Variants in NAALAD2 observed in about 807,000 individuals in gnomAD.
NAALAD2 encodes N-acetylated alpha-linked acidic dipeptidase 2.
NAALAD2 carries 89 observed loss-of-function variants against 95.6 expected under a neutral mutation model. The observed-to-expected ratio is 0.93, with a 90% CI of 0.78 to 1.11. The LOEUF is 1.11. Ranked by LOEUF, NAALAD2 falls within the 50% of genes least tolerant of loss-of-function variation. NAALAD2 has a pLI of 0.00. For missense variants in NAALAD2, 894 were observed against 872.4 expected (o/e 1.02, Z -0.31); for synonymous variants, 264 against 294.4 (o/e 0.90, Z 1.06).
intron 11 of NAALAD2, among the ~76,000 whole-genome samples, chr11:90,167,959 G>C (rs993141200): frequency 2.6e-5 from 4 of 152,208 alleles, no homozygotes; most frequent in Non-Finnish European, 5.9e-5. Flanking sequence ...CGGAGCAGCA[G>C]TGGCAACCCT....
At chr11:90,159,102 CT>C in intron 7 of NAALAD2, 136 bp from the exon 8 acceptor site, 1 of 690,386 alleles carries the variant, frequency 1.4e-6, no homozygotes, top group Non-Finnish European at 2.5e-6. Context: ...AAAGGGCGGG[CT>C]TTTTGACAGT....
upstream of NAALAD2, chr11:90,134,649 A>G (rs1951408587): frequency 4.8e-6 from 5 of 1,052,418 alleles, no homozygotes; most frequent in South Asian, 4.0e-5. Context: ...TGCGAAGGTC[A>G]GCGGAGGCCA....
At chr11:90,146,925 A>G (rs1166254357) in intron 2 of NAALAD2, among the ~76,000 whole-genome samples, 1 of 152,204 alleles carries the variant, frequency 6.6e-6, no homozygotes, top group Non-Finnish European at 1.5e-5. Flanking sequence ...GTAGAAATAT[A>G]TAAGATAAAC....
intron 15 of NAALAD2, among the ~76,000 whole-genome samples, chr11:90,177,233 T>C (rs1225402212): frequency 6.6e-6 from 1 of 152,124 alleles, no homozygotes; most frequent in Non-Finnish European, 1.5e-5. Flanking sequence ...TTAAATGACA[T>C]TTAGATATAC....
At chr11:90,134,336 C>T (rs1951402956), upstream of NAALAD2, among the ~76,000 whole-genome samples, 1 of 152,142 alleles carries the variant, frequency 6.6e-6, no homozygotes, top group East Asian at 1.9e-4. Context: ...GAAATTACAG[C>T]AGAGAATCTG....
intron 2 of NAALAD2, among the ~76,000 whole-genome samples, chr11:90,139,455 A>G (rs1951547434): frequency 6.6e-6 from 1 of 152,084 alleles, no homozygotes; most frequent in Admixed American, 6.6e-5. Context: ...AGGATAGGGC[A>G]TTTTCATTTG....
intron 18 of NAALAD2, among the ~76,000 whole-genome samples, 181 bp from the exon 19 acceptor site, chr11:90,191,377 C>T (rs2135006859): frequency 6.6e-6 from 1 of 151,980 alleles, no homozygotes; most frequent in Non-Finnish European, 1.5e-5. Context: ...TTAGCGAATG[C>T]ATATTGTTAG....
At chr11:90,173,530 G>T (rs1331956836) in intron 13 of NAALAD2, among the ~76,000 whole-genome samples, 1 of 152,066 alleles carries the variant, frequency 6.6e-6, no homozygotes, top group East Asian at 1.9e-4. Context: ...CATTTGTAAA[G>T]ATTTTAAGTT....
chr11:90,166,899 C>T (rs1447987457), intron 11 of NAALAD2, among the ~76,000 whole-genome samples: 1 of 151,932 alleles, frequency 6.6e-6, no homozygotes, highest in Non-Finnish European at 1.5e-5. Flanking sequence ...CCTGTAATCT[C>T]AGCACTTTGG....
chr11:90,177,601 T>TG, intron 15 of NAALAD2, among the ~76,000 whole-genome samples: 1 of 81,756 alleles, frequency 1.2e-5, no homozygotes, highest in South Asian at 5.1e-4. Flanking sequence ...TTTTTTTTTT[T>TG]TTTTTTTTTT....
intron 6 of NAALAD2, 48 bp downstream of exon 6, chr11:90,152,532 G>T: frequency 2.8e-6 from 4 of 1,446,302 alleles, no homozygotes; most frequent in Non-Finnish European, 3.8e-6. Flanking sequence ...AATACTCCTT[G>T]CCCTTTTAGA....
chr11:90,170,089 G>T lies in NAALAD2; in HGVS notation c.1363G>T (p.Asp455Tyr). Residue 455 changes from aspartate to tyrosine, a missense_variant, in exon 13 of 19, where the codon GAC (aspartate) becomes TAC (tyrosine). By Grantham distance (160) the Asp-to-Tyr change is radical. Transcript: ENST00000534061. ...TTCAGGCAATTATACTCTCAGAGTT[G>T]ACTGTACTCCCCTTCTTTACCAATT... ...SIEGNYTLRVDCTPLLYQLVY... is the reference protein window; with the variant it reads ...SIEGNYTLRVYCTPLLYQLVY... 6.3e-7 allele frequency: 1 copy of T among 1,589,528 alleles called. No individual in the cohort carries two copies. Among genetic ancestry groups the T allele is most frequent in the Non-Finnish European group, 8.6e-7 (1 of 1,157,932 alleles).
rs2134872457 is a variant in NAALAD2 at position 90,152,435 on chromosome 11, A to C, written c.747A>C (p.Leu249Phe). The C allele has an allele frequency of 6.2e-7, 1 of 1,613,856 alleles. No individual in the cohort carries two copies. Among genetic ancestry groups the C allele is most frequent in the East Asian group, 2.2e-5 (1 of 44,868 alleles). Residue 249 changes from leucine to phenylalanine, a missense_variant, in exon 6 of 19, where the codon TTA (leucine) becomes TTC (phenylalanine). By Grantham distance (22) the Leu-to-Phe change is conservative (BLOSUM62 0). Coordinates refer to ENST00000534061, the MANE Select transcript of NAALAD2 (RefSeq NM_005467.4). ...PGTAAQRGNV[L>F]NLNGAGDPLT... ...CTGCAGCCCAGAGAGGAAATGTGTT[A>C]AATTTGAATGGTGCTGGTGACCCAC... is the stretch of plus-strand genomic sequence containing the variant.
At chr11:90,154,912 ATGTAT>A (rs1952002419) in intron 6 of NAALAD2, among the ~76,000 whole-genome samples, 1 of 102,878 alleles carries the variant, frequency 9.7e-6, no homozygotes, top group Non-Finnish European at 1.9e-5. Context: ...ACGTATACAT[ATGTAT>A]ATATTATATA....
chr11:90,167,225 G>A (rs1252755944), intron 11 of NAALAD2, among the ~76,000 whole-genome samples: 4 of 152,190 alleles, frequency 2.6e-5, no homozygotes, highest in Admixed American at 2.0e-4. Flanking sequence ...CTGCGCGGGC[G>A]CTTGCGGCCC....
At chr11:90,183,564 C>T (rs959357701) in intron 18 of NAALAD2, among the ~76,000 whole-genome samples, 9 of 152,070 alleles carry the variant, frequency 5.9e-5, no homozygotes, top group Admixed American at 2.6e-4. Context: ...TGGTTCTCAA[C>T]GATGGTTAGA....
At chr11:90,147,554 C>A in intron 3 of NAALAD2, 38 bp downstream of exon 3, 1 of 1,546,748 alleles carries the variant, frequency 6.5e-7, no homozygotes, top group Non-Finnish European at 8.8e-7. Flanking sequence ...ATTTTGCAAT[C>A]CGACCGTTTT....
chr11:90,133,541 G>A (rs1167711875), upstream of NAALAD2, among the ~76,000 whole-genome samples: 4 of 152,140 alleles, frequency 2.6e-5, no homozygotes, highest in South Asian at 8.3e-4. Flanking sequence ...ATAGCATAAG[G>A]GAATCGTAGT....
chr11:90,170,448 A>G (rs1952601184), intron 13 of NAALAD2, among the ~76,000 whole-genome samples: 1 of 152,244 alleles, frequency 6.6e-6, no homozygotes. Flanking sequence ...CATACAGTTA[A>G]AAAACTGTCT....
Sources: gnomAD v4.1 joint callset for allele counts (sites outside exome capture counted in the v4.1 genomes callset) on GRCh38, gnomAD v4.1.1 for gene constraint, MANE v1.5 for transcripts, NCBI Gene and HGNC (gene_info 2026-07-23, HGNC 2026-07-21) for gene names.